LRP1B: variants seen among roughly 807,000 people sequenced by gnomAD.
The protein encoded by LRP1B is low-density lipoprotein receptor-related protein 1B.
LRP1B carries 217 observed loss-of-function variants against 556.6 expected under a neutral mutation model. That is an observed-to-expected ratio of 0.39 (90% CI 0.35 to 0.44). The LOEUF (loss-of-function observed/expected upper bound fraction) is 0.44, where lower values mean the gene tolerates loss of function less well. Among genes scored for constraint, LRP1B ranks in the 20% least tolerant of loss-of-function variants. The probability of loss-of-function intolerance (pLI) is 1.00; values close to 1 mark genes in which losing one functional copy is unlikely to be tolerated. For missense variants in LRP1B, 5,053 were observed against 5,620.8 expected, an observed-to-expected ratio of 0.90 and a Z score of 3.23; for synonymous variants, 2,047 against 1,865.8, an observed-to-expected ratio of 1.10 and a Z score of -2.50.
intron 77 of LRP1B, among the ~76,000 whole-genome samples, chr2:140,348,378 T>C (rs1007827220): frequency 1.3e-5 from 2 of 152,100 alleles, no homozygotes; most frequent in Non-Finnish European, 2.9e-5. Context: ...TGGCTAGTAT[T>C]GTTATGAAAT....
chr2:141,050,678 C>T (rs1699010847), intron 10 of LRP1B, among the ~76,000 whole-genome samples: 1 of 152,068 alleles, frequency 6.6e-6, no homozygotes, highest in Admixed American at 6.6e-5. Context: ...CCATAAAAAT[C>T]CTAGAATAAA....
intron 1 of LRP1B, among the ~76,000 whole-genome samples, chr2:142,013,734 A>G (rs1017263949): frequency 3.6e-4 from 54 of 152,106 alleles, no homozygotes; most frequent in African/African-American, 1.3e-3. Flanking sequence ...TATTAATTAT[A>G]ATTTTAAAAA....
At chr2:140,741,953 T>C (rs536527070) in intron 35 of LRP1B, among the ~76,000 whole-genome samples, 1 of 152,212 alleles carries the variant, frequency 6.6e-6, no homozygotes, top group Non-Finnish European at 1.5e-5. Context: ...TTCTTTGTTA[T>C]GGCTGCATCA....
At chr2:141,298,389 G>A (rs781626406) in intron 3 of LRP1B, among the ~76,000 whole-genome samples, 1 of 152,096 alleles carries the variant, frequency 6.6e-6, no homozygotes, top group Non-Finnish European at 1.5e-5. Context: ...GGATCTTGTG[G>A]TATCAGTGGA....
intron 25 of LRP1B, among the ~76,000 whole-genome samples, chr2:140,877,118 C>A (rs75450124): frequency 0.011 from 1,602 of 151,812 alleles, 22 homozygotes; most frequent in African/African-American, 0.032. Context: ...CTAAGCTGTG[C>A]TTTTGTAAAG....
chr2:140,730,428 C>A (rs1337328290), intron 35 of LRP1B, among the ~76,000 whole-genome samples: 2 of 152,136 alleles, frequency 1.3e-5, no homozygotes, highest in Non-Finnish European at 2.9e-5. Context: ...CTCTTGATAT[C>A]TATTTTAATC....
At chr2:141,324,183 C>T (rs549053934) in intron 3 of LRP1B, among the ~76,000 whole-genome samples, 7 of 151,620 alleles carry the variant, frequency 4.6e-5, no homozygotes, top group Non-Finnish European at 1.0e-4. Context: ...AAGGAAACCA[C>T]ACACACACAT....
chr2:140,950,754 A>G (rs1695689748), intron 19 of LRP1B, among the ~76,000 whole-genome samples: 1 of 151,952 alleles, frequency 6.6e-6, no homozygotes, highest in African/African-American at 2.4e-5. Flanking sequence ...GGCCTCCCAA[A>G]ATACTGGGGT....
At chr2:140,871,924 G>T (rs1162355020) in intron 25 of LRP1B, among the ~76,000 whole-genome samples, 1 of 151,926 alleles carries the variant, frequency 6.6e-6, no homozygotes. Flanking sequence ...ATTTTTTAAG[G>T]AGCTCAATGG....
intron 43 of LRP1B, among the ~76,000 whole-genome samples, chr2:140,579,694 C>T (rs1330616877): frequency 6.6e-6 from 1 of 151,878 alleles, no homozygotes; most frequent in African/African-American, 2.4e-5. Context: ...ATACAAAAAT[C>T]AGCCGGGCGT....
At chr2:142,026,218 C>G (rs1368873927) in intron 1 of LRP1B, among the ~76,000 whole-genome samples, 1 of 152,110 alleles carries the variant, frequency 6.6e-6, no homozygotes, top group African/African-American at 2.4e-5. Flanking sequence ...GTTTGATTCA[C>G]ATTTTTACTC....
intron 1 of LRP1B, among the ~76,000 whole-genome samples, chr2:141,950,318 T>G (rs1165310337): frequency 6.6e-6 from 1 of 152,164 alleles, no homozygotes; most frequent in Non-Finnish European, 1.5e-5. Flanking sequence ...AGAAATAATT[T>G]GATATTAAAG....
Position 140,748,784 on chromosome 2 carries a change from A to AATATATG in LRP1B, c.5758+20428_5758+20429insCATATAT, listed in dbSNP as rs1559094629. Among the ~76,000 whole-genome samples the AATATATG allele has an allele frequency of 1.4e-3, 61 of 43,052 alleles. 5 individuals are homozygous for AATATATG. The highest frequency in any genetic ancestry group is 3.8e-3 in the African/African-American group (59 of 15,454). 28.2% of individuals were successfully genotyped at this position (43,052 alleles called of 152,430 possible). A position where few individuals can be genotyped will look rare whatever the true frequency, so the allele number is the denominator to read the frequency against. ...ATATACATGTATATAATATGTATAT[A>AATATATG]ATATATATTATATACATATTATATA... On this transcript the variant is annotated intron_variant, in intron 35 of 90. Transcript: ENST00000389484.
intron 86 of LRP1B, among the ~76,000 whole-genome samples, chr2:140,253,579 G>A (rs190922114): frequency 1.7e-3 from 253 of 149,658 alleles, no homozygotes; most frequent in African/African-American, 5.9e-3. Flanking sequence ...TTGAGTAGAA[G>A]TGGTCACTGA....
At chr2:141,195,557 C>G (rs1326557868) in intron 6 of LRP1B, among the ~76,000 whole-genome samples, 1 of 152,116 alleles carries the variant, frequency 6.6e-6, no homozygotes, top group Non-Finnish European at 1.5e-5. Context: ...GGCTTCCCAG[C>G]TCTTGGCTAT....
intron 2 of LRP1B, among the ~76,000 whole-genome samples, chr2:141,774,352 T>C (rs1480684390): frequency 6.6e-6 from 1 of 152,048 alleles, no homozygotes; most frequent in Non-Finnish European, 1.5e-5. Flanking sequence ...TGATAGAAGG[T>C]GAAGAGGAAC....
At chr2:140,849,635 G>A (rs1692395069) in intron 29 of LRP1B, among the ~76,000 whole-genome samples, 1 of 151,930 alleles carries the variant, frequency 6.6e-6, no homozygotes, top group South Asian at 2.1e-4. Flanking sequence ...CGCCTGCCAG[G>A]TTCAAGTGAT....
intron 1 of LRP1B, among the ~76,000 whole-genome samples, chr2:141,993,435 C>T (rs201294720): frequency 9.9e-6 from 1 of 100,588 alleles, no homozygotes; most frequent in African/African-American, 3.7e-5. Flanking sequence ...GGAAATTTTT[C>T]CCCTCCACCT....
intron 4 of LRP1B, among the ~76,000 whole-genome samples, chr2:141,248,071 A>G (rs7559178): frequency 0.28 from 42,437 of 151,782 alleles, 6,071 homozygotes; most frequent in African/African-American, 0.33. Flanking sequence ...AGCCAGGCAC[A>G]ATGGTGTGTG....
Sources: gnomAD v4.1 joint callset for allele counts (sites outside exome capture counted in the v4.1 genomes callset) on GRCh38, gnomAD v4.1.1 for gene constraint, MANE v1.5 for transcripts, NCBI Gene and HGNC (gene_info 2026-07-23, HGNC 2026-07-21) for gene names.